FIP1L1: variants seen among roughly 807,000 people sequenced by gnomAD.
FIP1L1 encodes pre-mRNA 3'-end-processing factor FIP1.
In FIP1L1, 21 loss-of-function variants were observed where a neutral mutation model predicts 84.6. The ratio of observed to expected loss-of-function variants is 0.25; its 90% CI spans 0.18 to 0.36. The LOEUF is 0.36. Ranked by LOEUF, FIP1L1 falls within the 10% of genes least tolerant of loss-of-function variation. The pLI is 1.00. For missense variants in FIP1L1, 526 were observed against 751.1 expected, an observed-to-expected ratio of 0.70 and a Z score of 3.50; for synonymous variants, 263 against 242.3, an observed-to-expected ratio of 1.09 and a Z score of -0.80.
chr4:53,434,487 T>A (rs1768174479), intron 13 of FIP1L1, among the ~76,000 whole-genome samples: 1 of 151,888 alleles, frequency 6.6e-6, no homozygotes, highest in Non-Finnish European at 1.5e-5. Flanking sequence ...TTTTTTTTTT[T>A]TGAGATGAAG....
chr4:53,444,054 TTCC>T lies in FIP1L1; in HGVS notation c.1239_1241del (p.Ser414del). The T allele has an allele frequency of 6.2e-7, 1 of 1,604,692 alleles. No homozygotes were observed. Among genetic ancestry groups the T allele is most frequent in the African/African-American group, 1.3e-5 (1 of 74,864 alleles). On this transcript the variant is annotated inframe_deletion, in exon 15 of 18. Transcript: ENST00000337488. ...ATATCTTTTTCTTCAACAGTGGACA[TTCC>T]TCTGGTTATGATAGTCGTTCTGCAC...
chr4:53,408,703 C>CT (rs763690776), intron 10 of FIP1L1, among the ~76,000 whole-genome samples: 7 of 152,070 alleles, frequency 4.6e-5, no homozygotes, highest in African/African-American at 9.7e-5. Context: ...TCTTTTTATT[C>CT]TTTTTTCTCT....
chr4:53,420,621 A>C (rs1762033046), intron 11 of FIP1L1, among the ~76,000 whole-genome samples: 1 of 152,072 alleles, frequency 6.6e-6, no homozygotes, highest in African/African-American at 2.4e-5. Context: ...TTCATTAATA[A>C]ATTGTTACTC....
chr4:53,430,715 A>G (rs947172579), intron 13 of FIP1L1, among the ~76,000 whole-genome samples: 4 of 152,166 alleles, frequency 2.6e-5, no homozygotes, highest in Non-Finnish European at 4.4e-5. Flanking sequence ...ACATTATACT[A>G]TAGAGTGCAG....
Position 53,377,652 on chromosome 4 carries a change from G to A in FIP1L1, c.-187G>A, listed in dbSNP as rs1735257194. The A allele has an allele frequency of 4.0e-6, 2 of 499,534 alleles. No homozygotes were observed. Among genetic ancestry groups the A allele is most frequent in the Non-Finnish European group, 6.8e-6 (2 of 293,092 alleles). The allele number at this position is 499,534 out of a possible 1,614,324, so 30.9% of individuals were successfully genotyped here. On this transcript the variant is annotated 5_prime_UTR_variant, in exon 1 of 18. Transcript: ENST00000337488. ...CGCTTGGGTCTCCTGCGCATGCGCAGACGGACCTGCGCTGGAGGCTTCATC... is the reference window on the plus strand; with the variant it reads ...CGCTTGGGTCTCCTGCGCATGCGCAAACGGACCTGCGCTGGAGGCTTCATC...
intron 11 of FIP1L1, among the ~76,000 whole-genome samples, chr4:53,423,413 A>G (rs1174198781): frequency 6.6e-6 from 1 of 152,218 alleles, no homozygotes; most frequent in East Asian, 1.9e-4. Flanking sequence ...AGATTTCCTC[A>G]TAGGGAAACT....
chr4:53,379,109 A>G lies in FIP1L1; in HGVS notation c.122A>G (p.Lys41Arg). 4 of 1,614,116 alleles carry G rather than the reference A, an allele frequency of 2.5e-6. No homozygotes were observed. Among genetic ancestry groups the G allele is most frequent in the Non-Finnish European group, 3.4e-6 (4 of 1,179,988 alleles). ...GTGCATGTGCACAGTGATTTGGCAA[A>G]GGACCTAGGTTAGTGCTTGTGATGA... ...WDVHVHSDLAKDLDENEVERP... is the reference protein window; with the variant it reads ...WDVHVHSDLARDLDENEVERP... Residue 41 changes from lysine to arginine, a missense_variant, in exon 2 of 18, where the codon AAG becomes AGG. Physicochemically the swap from Lys to Arg is conservative, Grantham distance 26. This residue lies in a region of FIP1L1 where 100 missense variants were observed against 107.2 expected (regional missense o/e 0.93). Coordinates refer to ENST00000337488, the MANE Select transcript of FIP1L1 (RefSeq NM_030917.4).
intron 3 of FIP1L1, 56 bp from the exon 4 acceptor site, chr4:53,382,222 A>G (rs1738476845): frequency 3.3e-6 from 4 of 1,221,692 alleles, no homozygotes; most frequent in South Asian, 1.2e-5. Context: ...AATATAATCT[A>G]TCTGTACTTC....
At chr4:53,385,895 C>T (rs866324271) in intron 5 of FIP1L1, among the ~76,000 whole-genome samples, 2 of 152,000 alleles carry the variant, frequency 1.3e-5, no homozygotes, top group Non-Finnish European at 2.9e-5. Flanking sequence ...CAAGGTATAT[C>T]CCTTGAAAAC....
At chr4:53,429,886 A>G (rs1212457826) in intron 13 of FIP1L1, among the ~76,000 whole-genome samples, 1 of 152,158 alleles carries the variant, frequency 6.6e-6, no homozygotes, top group Non-Finnish European at 1.5e-5. Flanking sequence ...GTAGAGCTCC[A>G]AAACTTGTTT....
At chr4:53,381,889 AG>A (rs1165833392) in intron 3 of FIP1L1, among the ~76,000 whole-genome samples, 1 of 150,018 alleles carries the variant, frequency 6.7e-6, no homozygotes, top group Admixed American at 6.7e-5. Flanking sequence ...CAGCCTTCCG[AG>A]TAGCTGGGAT....
chr4:53,457,402 A>G (rs1299537274), intron 16 of FIP1L1, among the ~76,000 whole-genome samples: 1 of 152,184 alleles, frequency 6.6e-6, no homozygotes, highest in Non-Finnish European at 1.5e-5. Context: ...GTGGAAATAC[A>G]TATACAAATA....
intron 9 of FIP1L1, 144 bp downstream of exon 9, chr4:53,391,642 T>G: frequency 1.6e-6 from 1 of 610,152 alleles, no homozygotes; most frequent in Non-Finnish European, 2.9e-6. Flanking sequence ...ACAAATTTGC[T>G]GATTGTTGTT....
At position 53,389,455 on chromosome 4, in the gene FIP1L1, C is replaced by CTT. The variant is rs34929012; in HGVS notation, c.333-344_333-343dup. Among the ~76,000 whole-genome samples, 1,005 of 150,570 alleles carry CTT rather than the reference C, an allele frequency of 6.7e-3. 10 individuals are homozygous for CTT. Among genetic ancestry groups the CTT allele is most frequent in the African/African-American group, 0.023 (951 of 40,988 alleles). ...GTTTTTGAAATGGAAACAAGTCAGGCTTTTTTTTTTTACTGTTTTTGCCTT... is the reference window on the plus strand; with the variant it reads ...GTTTTTGAAATGGAAACAAGTCAGGCTTTTTTTTTTTTTACTGTTTTTGCCTT... On this transcript the variant is annotated intron_variant, in intron 5 of 17. Coordinates refer to ENST00000337488, the MANE Select transcript of FIP1L1 (RefSeq NM_030917.4).
At chr4:53,394,486 C>T (rs1560499835) in intron 9 of FIP1L1, among the ~76,000 whole-genome samples, 1 of 151,990 alleles carries the variant, frequency 6.6e-6, no homozygotes, top group Non-Finnish European at 1.5e-5. Context: ...TAAGGTATTC[C>T]AGTATTCTAT....
intron 3 of FIP1L1, among the ~76,000 whole-genome samples, chr4:53,381,672 T>G (rs1737949891): frequency 6.6e-6 from 1 of 151,526 alleles, no homozygotes; most frequent in Admixed American, 6.6e-5. Context: ...TTGTCATATA[T>G]TTTTAAAATG....
chr4:53,388,938 G>T (rs1241046155), intron 5 of FIP1L1, among the ~76,000 whole-genome samples: 1 of 152,112 alleles, frequency 6.6e-6, no homozygotes, highest in Non-Finnish European at 1.5e-5. Flanking sequence ...TTGAATGTGG[G>T]TTGGTCCAAC....
intron 10 of FIP1L1, among the ~76,000 whole-genome samples, chr4:53,406,932 C>G (rs1753874591): frequency 6.6e-6 from 1 of 152,018 alleles, no homozygotes; most frequent in African/African-American, 2.4e-5. Context: ...AGCAGTCTAT[C>G]AATTTTGTTG....
chr4:53,437,565 T>G (rs1465685220), intron 13 of FIP1L1, among the ~76,000 whole-genome samples: 1 of 151,892 alleles, frequency 6.6e-6, no homozygotes, highest in Non-Finnish European at 1.5e-5. Flanking sequence ...CAACATCATC[T>G]GGGAAATTTA....
Sources: gnomAD v4.1 joint callset for allele counts (sites outside exome capture counted in the v4.1 genomes callset) on GRCh38, gnomAD v4.1.1 for gene constraint, gnomAD v4.1.1 regional missense constraint, MANE v1.5 for transcripts, NCBI Gene and HGNC (gene_info 2026-07-23, HGNC 2026-07-21) for gene names.